Variants in STK32C observed in about 807,000 individuals in gnomAD.
STK32C encodes serine/threonine kinase 32C.
A neutral mutation model predicts 56.5 loss-of-function variants in STK32C; 31 were observed. The ratio of observed to expected loss-of-function variants is 0.55; its 90% CI spans 0.41 to 0.74. STK32C has a LOEUF of 0.74. Among genes scored for constraint, STK32C ranks in the 30% least tolerant of loss-of-function variants. The pLI is 0.00. For missense variants in STK32C, 544 were observed against 676.9 expected, an observed-to-expected ratio of 0.80 and a Z score of 2.18; for synonymous variants, 309 against 289.4, an observed-to-expected ratio of 1.07 and a Z score of -0.69.
chr10:132,208,930 A>G lies in STK32C; in HGVS notation c.1319+104T>C, dbSNP rs1045116579. Reference sequence around the variant, plus strand: ...GTCCCCAAAGAGAGCAGGGCCACGCACCCCAGGCCCACAGGTGCCCGCTCA... The same window carrying G: ...GTCCCCAAAGAGAGCAGGGCCACGCGCCCCAGGCCCACAGGTGCCCGCTCA... On this transcript the variant is annotated intron_variant, in intron 11 of 11. Transcript: ENST00000298630. The G allele has an allele frequency of 8.4e-6, 9 of 1,073,634 alleles. No individual in the cohort carries two copies. The Admixed American group carries it at 1.4e-4, about 17-fold the overall frequency. 66.5% of individuals were successfully genotyped at this position (1,073,634 alleles called of 1,614,324 possible).
chr10:132,327,864 G>A (rs1232221335), intron 1 of STK32C, among the ~76,000 whole-genome samples: 1 of 152,128 alleles, frequency 6.6e-6, no homozygotes, highest in Admixed American at 6.6e-5. Flanking sequence ...GCAGCTCACA[G>A]GACCCAGACT....
chr10:132,223,060 C>T, intron 8 of STK32C, 74 bp from the exon 9 acceptor site: 1 of 1,504,616 alleles, frequency 6.6e-7, no homozygotes, highest in South Asian at 1.2e-5. Context: ...ACCCCCAGGC[C>T]AGGGCACCTT....
intron 10 of STK32C, among the ~76,000 whole-genome samples, chr10:132,220,392 TC>T (rs1033895945): frequency 9.9e-5 from 15 of 152,218 alleles, no homozygotes; most frequent in Admixed American, 2.6e-4. Context: ...GACTCAGGCC[TC>T]CAAGCCATGA....
upstream of STK32C, chr10:132,308,030 G>C: frequency 2.3e-5 from 16 of 689,534 alleles, no homozygotes; most frequent in Non-Finnish European, 2.7e-5. Context: ...CGGGGGCGGG[G>C]CGGAGCTCCT....
intron 1 of STK32C, among the ~76,000 whole-genome samples, chr10:132,248,095 G>A (rs923134524): frequency 6.6e-6 from 1 of 150,872 alleles, no homozygotes; most frequent in Admixed American, 6.6e-5. Context: ...CAGAGATTAT[G>A]TCATCGAGGC....
At chr10:132,233,227 T>C (rs534130586) in intron 2 of STK32C, among the ~76,000 whole-genome samples, 83 of 152,234 alleles carry the variant, frequency 5.5e-4, no homozygotes, top group Admixed American at 5.4e-3. Context: ...CAGCCCAGTA[T>C]GGGGCCTCTG....
At chr10:132,249,998 C>T (rs1351906844) in intron 1 of STK32C, among the ~76,000 whole-genome samples, 1 of 152,268 alleles carries the variant, frequency 6.6e-6, no homozygotes, top group African/African-American at 2.4e-5. Flanking sequence ...AAAACAGCTT[C>T]CTGTGGGCTT....
intron 1 of STK32C, among the ~76,000 whole-genome samples, chr10:132,303,908 C>T (rs929317957): frequency 7.2e-5 from 11 of 152,200 alleles, no homozygotes; most frequent in Admixed American, 1.3e-4. Flanking sequence ...AGGTGCCTCC[C>T]GCCACCCACT....
chr10:132,285,022 A>C (rs1469018328), intron 1 of STK32C, among the ~76,000 whole-genome samples: 1 of 130,822 alleles, frequency 7.6e-6, no homozygotes, highest in Non-Finnish European at 1.6e-5. Flanking sequence ...ACACATTCCC[A>C]CGTCTGTCCA....
intron 1 of STK32C, among the ~76,000 whole-genome samples, chr10:132,304,725 G>T (rs1039594041): frequency 6.6e-6 from 1 of 152,252 alleles, no homozygotes; most frequent in Non-Finnish European, 1.5e-5. Context: ...AAAAAACAAA[G>T]GTGTTTCTAA....
chr10:132,323,865 G>C (rs1198657629), downstream of STK32C, among the ~76,000 whole-genome samples: 1 of 152,220 alleles, frequency 6.6e-6, no homozygotes, highest in Non-Finnish European at 1.5e-5. This position sits in a 1 kb window ranked among gnomAD's most constrained non-coding sequence, Gnocchi z 4.8. Flanking sequence ...CTTTTGTCCT[G>C]CATCATGACA....
Position 132,219,230 on chromosome 10 carries a change from C to A in STK32C, c.1251+3411G>T, listed in dbSNP as rs145049973. 1.5e-3 allele frequency among the ~76,000 whole-genome samples: 236 copies of A among 152,290 alleles called. No individual in the cohort carries two copies. The Middle Eastern group carries it at 0.02, about 13-fold the overall frequency. ...GAATGTGAATTATATCAAAATAAAG[C>A]TGTTTCCAAAAACCTCTCTCAGCCT... On this transcript the variant is annotated intron_variant, in intron 10 of 11. Transcript: ENST00000298630.
intron 1 of STK32C, among the ~76,000 whole-genome samples, chr10:132,272,995 C>G (rs2064876240): frequency 6.6e-6 from 1 of 152,220 alleles, no homozygotes; most frequent in African/African-American, 2.4e-5. Context: ...CAGAGCCGCA[C>G]GCTTTGCACC....
chr10:132,230,033 C>T (rs7900742), intron 2 of STK32C, among the ~76,000 whole-genome samples: 41,592 of 151,954 alleles, frequency 0.27, 6,690 homozygotes, highest in Admixed American at 0.41. Context: ...TGCCCAGAGG[C>T]GCGTGTGCTG....
At chr10:132,230,939 G>A (rs552777195) in intron 2 of STK32C, among the ~76,000 whole-genome samples, 46 of 152,304 alleles carry the variant, frequency 3.0e-4, no homozygotes, top group Middle Eastern at 6.8e-3. Context: ...CCACTCACCA[G>A]GGGACAGGGC....
chr10:132,302,626 T>C (rs2065943093), intron 1 of STK32C, among the ~76,000 whole-genome samples: 1 of 152,108 alleles, frequency 6.6e-6, no homozygotes, highest in Non-Finnish European at 1.5e-5. Flanking sequence ...GATGGGTGTC[T>C]GGGCCACACA....
At chr10:132,295,578 A>G (rs1212704588) in intron 1 of STK32C, among the ~76,000 whole-genome samples, 1 of 152,224 alleles carries the variant, frequency 6.6e-6, no homozygotes, top group East Asian at 1.9e-4. Flanking sequence ...CGCAAGGAAG[A>G]GACAAATCTA....
chr10:132,296,722 C>T (rs1590429597), intron 1 of STK32C, among the ~76,000 whole-genome samples: 1 of 152,318 alleles, frequency 6.6e-6, no homozygotes, highest in East Asian at 1.9e-4. Context: ...TTAGACCGGG[C>T]AACCACACAA....
At chr10:132,243,811 G>C (rs969800899) in intron 2 of STK32C, among the ~76,000 whole-genome samples, 10 of 152,150 alleles carry the variant, frequency 6.6e-5, no homozygotes, top group Non-Finnish European at 1.5e-4. Flanking sequence ...GACTCTAAAT[G>C]CTGCGCCGCC....
Sources: gnomAD v4.1 joint callset for allele counts (sites outside exome capture counted in the v4.1 genomes callset) on GRCh38, gnomAD v4.1.1 for gene constraint, Gnocchi (gnomAD v3.1) non-coding constraint, MANE v1.5 for transcripts, NCBI Gene and HGNC (gene_info 2026-07-23, HGNC 2026-07-21) for gene names.